Variants in ALMS1 observed in about 807,000 individuals in gnomAD.
The protein encoded by ALMS1 is centrosome-associated protein ALMS1.
A neutral mutation model predicts 352.2 loss-of-function variants in ALMS1; 271 were observed. The ratio of observed to expected loss-of-function variants is 0.77; its 90% CI spans 0.70 to 0.85. The LOEUF is 0.85. ALMS1 is among the 40% of genes least tolerant of loss of function. The probability of loss-of-function intolerance (pLI) is 0.00; values close to 1 mark genes in which losing one functional copy is unlikely to be tolerated. For synonymous variants in ALMS1, 1,865 were observed against 1,761.2 expected (o/e 1.06, Z -1.48); for missense variants, 5,445 against 4,870.7 (o/e 1.12, Z -3.51).
At chr2:73,446,852 C>T (rs1262717877) in intron 7 of ALMS1, among the ~76,000 whole-genome samples, 3 of 152,156 alleles carry the variant, frequency 2.0e-5, no homozygotes, top group Non-Finnish European at 4.4e-5. Flanking sequence ...GAGTCAGAAT[C>T]TGCAAGTTAA....
intron 3 of ALMS1, among the ~76,000 whole-genome samples, chr2:73,420,478 A>G (rs1671261729): frequency 6.6e-6 from 1 of 152,176 alleles, no homozygotes; most frequent in Non-Finnish European, 1.5e-5. Context: ...CCCTTTATTA[A>G]AAAAGGTTTG....
Position 73,504,137 on chromosome 2 carries a change from C to G in ALMS1, c.9539+12639C>G, listed in dbSNP as rs1262762108. Among the ~76,000 whole-genome samples, 3 of 152,164 alleles carry G rather than the reference C, an allele frequency of 2.0e-5. No homozygotes were observed. In the East Asian group the frequency reaches 5.8e-4, roughly 29 times the overall value. On this transcript the variant is annotated intron_variant, in intron 10 of 22. Transcript: ENST00000613296. ...CAAAAATAGCCAAGGGAGGTCCCCA[C>G]TCAGCTTCCCCATTGATAATGTCCT...
At chr2:73,482,518 A>C (rs966805937) in intron 9 of ALMS1, among the ~76,000 whole-genome samples, 1 of 152,262 alleles carries the variant, frequency 6.6e-6, no homozygotes, top group South Asian at 2.1e-4. Flanking sequence ...ATGTTCATCA[A>C]GGATATTGGT....
Position 73,451,515 on chromosome 2 carries a change from C to G in ALMS1, c.4988C>G (p.Thr1663Ser). The change falls in exon 8 of 23, where the codon ACT becomes AGT. Residue 1663 changes from threonine (T) to serine (S), a missense_variant. Physicochemically the swap from Thr to Ser is moderately conservative, Grantham distance 58. Transcript: ENST00000613296. ...QKTETLPVHS[T>S]SYSNRGKPVI... ...ACTGAGACATTACCAGTACATTCTA[C>G]TAGCTACTCAAATAGGGGGAAGCCT... 1.9e-6 allele frequency: 3 copies of G among 1,613,754 alleles called. No homozygotes were observed. The South Asian group carries it at 3.3e-5, about 18-fold the overall frequency.
chr2:73,421,712 A>T (rs1290070226), intron 3 of ALMS1, among the ~76,000 whole-genome samples: 1 of 152,160 alleles, frequency 6.6e-6, no homozygotes, highest in Non-Finnish European at 1.5e-5. Flanking sequence ...CAAGAGGGTG[A>T]TGAATTATAT....
Position 73,581,750 on chromosome 2 carries a change from T to G in ALMS1, c.11547+8326T>G, listed in dbSNP as rs78193611. On this transcript the variant is annotated intron_variant, in intron 16 of 22. Coordinates refer to ENST00000613296, the MANE Select transcript of ALMS1 (RefSeq NM_001378454.1). ...TAACTAGAGTGACATCAATTATTTT[T>G]TCTTTTTTTTTTTTTTGAGACGTAG... is the stretch of plus-strand genomic sequence containing the variant. Among the ~76,000 whole-genome samples, 6 of 151,912 alleles carry G rather than the reference T, an allele frequency of 3.9e-5. No individual in the cohort carries two copies. The East Asian group carries it at 7.7e-4, about 20-fold the overall frequency.
At chr2:73,579,635 C>A (rs1481354384) in intron 16 of ALMS1, among the ~76,000 whole-genome samples, 1 of 152,170 alleles carries the variant, frequency 6.6e-6, no homozygotes, top group Admixed American at 6.5e-5. Context: ...CTCCTTTATT[C>A]TTAAAGTTTT....
At chr2:73,601,497 A>G (rs2104197203) in intron 19 of ALMS1, 61 bp downstream of exon 19, 1 of 1,586,514 alleles carries the variant, frequency 6.3e-7, no homozygotes, top group Admixed American at 1.8e-5. Flanking sequence ...CAAGGCGCAG[A>G]GAAGCTGGCT....
At chr2:73,454,444 A>C (rs1278013395) in intron 8 of ALMS1, 1 of 904,858 alleles carries the variant, frequency 1.1e-6, no homozygotes, top group Non-Finnish European at 1.3e-6. Context: ...TAGTATCCTT[A>C]TTCTGAAGGC....
At chr2:73,485,430 G>C (rs796948437) in intron 9 of ALMS1, among the ~76,000 whole-genome samples, 1 of 148,316 alleles carries the variant, frequency 6.7e-6, no homozygotes, top group African/African-American at 2.5e-5. Context: ...CAGTCTGCCC[G>C]TTCTCAGATC....
At chr2:73,439,518 T>C (rs1671673674) in intron 7 of ALMS1, among the ~76,000 whole-genome samples, 1 of 152,198 alleles carries the variant, frequency 6.6e-6, no homozygotes, top group Non-Finnish European at 1.5e-5. Context: ...AAAAATCCTG[T>C]CTGCTAATAT....
At chr2:73,499,719 C>G (rs148888656) in intron 10 of ALMS1, among the ~76,000 whole-genome samples, 1 of 152,066 alleles carries the variant, frequency 6.6e-6, no homozygotes, top group Admixed American at 6.5e-5. Context: ...ATTTGATCCC[C>G]AGCATTAGAG....
intron 11 of ALMS1, among the ~76,000 whole-genome samples, chr2:73,532,997 C>G (rs148042105): frequency 1.5e-3 from 230 of 152,246 alleles, no homozygotes; most frequent in African/African-American, 5.3e-3. Context: ...CCTTTCTGGC[C>G]CAGGGTATGT....
intron 16 of ALMS1, among the ~76,000 whole-genome samples, chr2:73,579,572 C>G (rs551505424): frequency 6.6e-6 from 1 of 152,250 alleles, no homozygotes; most frequent in South Asian, 2.1e-4. Flanking sequence ...GTTGGCCAGG[C>G]TGGTCTTGAA....
At chr2:73,528,595 T>G (rs190357908) in intron 11 of ALMS1, among the ~76,000 whole-genome samples, 1 of 152,330 alleles carries the variant, frequency 6.6e-6, no homozygotes, top group East Asian at 1.9e-4. Context: ...ATCCTGTTAT[T>G]TTTAGTCTAT....
At chr2:73,540,334 C>T (rs1293844339) in intron 12 of ALMS1, among the ~76,000 whole-genome samples, 1 of 152,106 alleles carries the variant, frequency 6.6e-6, no homozygotes, top group Admixed American at 6.5e-5. Context: ...GATTTTGTCA[C>T]CACTAGGCCT....
Position 73,572,890 on chromosome 2 carries a change from T to G in ALMS1, c.11013T>G (p.Asn3671Lys), listed in dbSNP as rs1340732963. The G allele has an allele frequency of 6.2e-7, 1 of 1,613,860 alleles. No individual in the cohort carries two copies. Among genetic ancestry groups the G allele is most frequent in the Non-Finnish European group, 8.5e-7 (1 of 1,179,948 alleles). ...GGAGTGGTAGACAACAGCAGAGAAA[T>G]AAGCTTCAGAAAAAGAAGCGGTTTA... ...KEWSGRQQQRNKLQKKKRFKS... is the reference protein window; with the variant it reads ...KEWSGRQQQRKKLQKKKRFKS... Residue 3671 changes from asparagine to lysine, a missense_variant, in exon 16 of 23, where the codon AAT becomes AAG. Transcript: ENST00000613296.
intron 9 of ALMS1, among the ~76,000 whole-genome samples, chr2:73,459,934 C>G (rs1280925719): frequency 6.6e-6 from 1 of 151,918 alleles, no homozygotes. Context: ...TTACACGCAC[C>G]CCCCTCTCCC....
At chr2:73,557,743 C>G (rs982232932) in intron 14 of ALMS1, among the ~76,000 whole-genome samples, 1 of 152,154 alleles carries the variant, frequency 6.6e-6, no homozygotes, top group Non-Finnish European at 1.5e-5. Context: ...TACTTCCTAC[C>G]TATCAGTTAC....
Sources: gnomAD v4.1 joint callset for allele counts (sites outside exome capture counted in the v4.1 genomes callset) on GRCh38, gnomAD v4.1.1 for gene constraint, MANE v1.5 for transcripts, NCBI Gene and HGNC (gene_info 2026-07-23, HGNC 2026-07-21) for gene names.